Variants in TDRD5 observed in about 807,000 individuals in gnomAD.
TDRD5 encodes the protein tudor domain containing 5.
In TDRD5, 41 loss-of-function variants were observed where a neutral mutation model predicts 120.6. The ratio of observed to expected loss-of-function variants is 0.34; its 90% CI spans 0.26 to 0.44. The LOEUF (loss-of-function observed/expected upper bound fraction) is 0.44, where lower values mean the gene tolerates loss of function less well. Ranked by LOEUF, TDRD5 falls within the 20% of genes least tolerant of loss-of-function variation. TDRD5 has a pLI of 1.00. For synonymous variants in TDRD5, 430 were observed against 433.7 expected (o/e 0.99, Z 0.11); for missense variants, 1,006 against 1,221.2 (o/e 0.82, Z 2.63).
At chr1:179,623,625 C>CTTTTTTTTTTTTTTTTTTTTTTTTTTTT (rs11428251) in intron 6 of TDRD5, among the ~76,000 whole-genome samples, 3 of 97,908 alleles carry the variant, frequency 3.1e-5, no homozygotes, top group Non-Finnish European at 3.8e-5. Flanking sequence ...CCAACTCATT[C>CTTTTTTTTTTTTTTTTTTTTTTTTTTTT]TTTTTTTTTT....
At chr1:179,658,933 C>A (rs142302091) in intron 14 of TDRD5, among the ~76,000 whole-genome samples, 206 of 152,290 alleles carry the variant, frequency 1.4e-3, no homozygotes, top group African/African-American at 4.7e-3. Context: ...CTGCATTTCA[C>A]AAATTTGAAC....
intron 17 of TDRD5, among the ~76,000 whole-genome samples, chr1:179,676,026 G>T (rs1272561017): frequency 6.6e-6 from 1 of 152,098 alleles, no homozygotes; most frequent in Non-Finnish European, 1.5e-5. Context: ...ATAAATTTGG[G>T]AGCTCCAGTG....
At chr1:179,603,608 GC>G (rs1290281897) in intron 4 of TDRD5, among the ~76,000 whole-genome samples, 1 of 152,152 alleles carries the variant, frequency 6.6e-6, no homozygotes, top group Non-Finnish European at 1.5e-5. Context: ...TTTGTTGAAT[GC>G]TTTTTCTGCA....
chr1:179,627,872 A>C (rs1353362642), intron 6 of TDRD5, among the ~76,000 whole-genome samples: 1 of 152,200 alleles, frequency 6.6e-6, no homozygotes, highest in Non-Finnish European at 1.5e-5. Flanking sequence ...GGATAAGCAA[A>C]GAGCAGGAGG....
chr1:179,652,485 C>G (rs1313942544), intron 13 of TDRD5, among the ~76,000 whole-genome samples: 2 of 152,124 alleles, frequency 1.3e-5, no homozygotes, highest in Admixed American at 6.6e-5. Context: ...ACAGGTTCTT[C>G]AGGTATTCTC....
intron 11 of TDRD5, among the ~76,000 whole-genome samples, chr1:179,643,756 G>A (rs1376467549): frequency 6.6e-6 from 1 of 152,130 alleles, no homozygotes; most frequent in Non-Finnish European, 1.5e-5. Flanking sequence ...CCCAGAAAGA[G>A]AGTTGAGAGA....
chr1:179,595,930 A>G, intron 4 of TDRD5, 112 bp downstream of exon 4: 2 of 1,101,208 alleles, frequency 1.8e-6, no homozygotes, highest in Non-Finnish European at 1.2e-6. Context: ...TCATTCACTT[A>G]TTTCAAATTT....
At chr1:179,629,518 A>T (rs1188517029) in intron 6 of TDRD5, among the ~76,000 whole-genome samples, 2 of 152,228 alleles carry the variant, frequency 1.3e-5, no homozygotes, top group Non-Finnish European at 2.9e-5. Flanking sequence ...GTCTCTTTAG[A>T]TGTAGCAGGT....
intron 11 of TDRD5, among the ~76,000 whole-genome samples, chr1:179,646,199 T>G (rs926407866): frequency 1.3e-5 from 2 of 152,230 alleles, no homozygotes; most frequent in African/African-American, 4.8e-5. Context: ...CACTATTATT[T>G]TAATGATTAC....
At chr1:179,659,245 G>T (rs560675539) in intron 14 of TDRD5, among the ~76,000 whole-genome samples, 3 of 152,260 alleles carry the variant, frequency 2.0e-5, no homozygotes, top group African/African-American at 4.8e-5. Context: ...ATAAATGTCA[G>T]ATCCAATTGA....
intron 6 of TDRD5, among the ~76,000 whole-genome samples, chr1:179,624,703 C>T (rs1323447890): frequency 6.6e-6 from 1 of 152,056 alleles, no homozygotes. Context: ...AAATCATGTA[C>T]ACCGAAAACT....
intron 11 of TDRD5, among the ~76,000 whole-genome samples, chr1:179,642,124 G>A (rs777284961): frequency 4.0e-5 from 6 of 148,502 alleles, no homozygotes; most frequent in African/African-American, 7.5e-5. Flanking sequence ...TTTTGGAGAC[G>A]GAGTCTTCCT....
chr1:179,636,751 C>G (rs569614753), intron 9 of TDRD5, among the ~76,000 whole-genome samples: 7 of 152,338 alleles, frequency 4.6e-5, no homozygotes, highest in African/African-American at 1.7e-4. Flanking sequence ...AGCTGTCAAG[C>G]TCACAGTGGT....
chr1:179,640,788 C>T (rs548616875), intron 11 of TDRD5, among the ~76,000 whole-genome samples: 1 of 152,210 alleles, frequency 6.6e-6, no homozygotes, highest in East Asian at 1.9e-4. Flanking sequence ...CATGAAACAT[C>T]TCAAAGGGGA....
At chr1:179,620,019 A>C (rs1013841296) in intron 5 of TDRD5, among the ~76,000 whole-genome samples, 2 of 152,222 alleles carry the variant, frequency 1.3e-5, no homozygotes, top group African/African-American at 4.8e-5. Flanking sequence ...AGCTTATGAG[A>C]AAGTTTATAT....
chr1:179,631,293 G>A (rs1179431909), intron 7 of TDRD5, among the ~76,000 whole-genome samples: 1 of 152,214 alleles, frequency 6.6e-6, no homozygotes, highest in Non-Finnish European at 1.5e-5. Flanking sequence ...TCAGGAGGCT[G>A]AGGCAGGAGA....
At chr1:179,630,418 T>C (rs1319589386) in intron 6 of TDRD5, among the ~76,000 whole-genome samples, 1 of 152,202 alleles carries the variant, frequency 6.6e-6, no homozygotes, top group Non-Finnish European at 1.5e-5. Flanking sequence ...GAAATACCAA[T>C]AGTTTTATTA....
At chr1:179,620,935 T>C (rs1259920355) in intron 5 of TDRD5, 100 bp from the exon 6 acceptor site, 2 of 914,358 alleles carry the variant, frequency 2.2e-6, no homozygotes, top group East Asian at 6.2e-5. Flanking sequence ...CATTTAATAA[T>C]GTTACTTTTG....
chr1:179,648,099 A>G (rs1391413528), intron 11 of TDRD5, among the ~76,000 whole-genome samples: 2 of 150,978 alleles, frequency 1.3e-5, no homozygotes, highest in African/African-American at 4.8e-5. Flanking sequence ...ATTACTGGGT[A>G]TATACCCAAA....
Sources: gnomAD v4.1 joint callset for allele counts (sites outside exome capture counted in the v4.1 genomes callset) on GRCh38, gnomAD v4.1.1 for gene constraint, MANE v1.5 for transcripts, NCBI Gene and HGNC (gene_info 2026-07-23, HGNC 2026-07-21) for gene names.